Variants in NPFFR1 observed in about 807,000 individuals in gnomAD.
The protein encoded by NPFFR1 is neuropeptide FF receptor 1.
In NPFFR1, 17 loss-of-function variants were observed where a neutral mutation model predicts 12.7. That is an observed-to-expected ratio of 1.34 (90% confidence interval 0.92 to 2.01). The LOEUF is 2.01. Ranked by LOEUF, NPFFR1 falls within the 30% of genes most tolerant of loss-of-function variation. NPFFR1 has a pLI of 0.00. For synonymous variants in NPFFR1, 296 were observed against 264.5 expected, an observed-to-expected ratio of 1.12 and a Z score of -1.16; for missense variants, 604 against 606.5, an observed-to-expected ratio of 1.00 and a Z score of 0.04.
intron 1 of NPFFR1, among the ~76,000 whole-genome samples, chr10:70,279,098 G>A (rs1206929486): frequency 1.3e-5 from 2 of 152,128 alleles, no homozygotes; most frequent in Non-Finnish European, 2.9e-5. Flanking sequence ...AACATTTTTT[G>A]TGGTGAAAAC....
chr10:70,255,856 C>A lies in NPFFR1; in HGVS notation c.423-29G>T. ...CCGCGGGGAGAGAGACAGGCGGGAT[C>A]TGGGTGGGTCCTAGGGCCCCTGCGA... On this transcript the variant is annotated intron_variant, in intron 3 of 3. Transcript: ENST00000277942. The surrounding 1 kb of genome is among the most constrained non-coding windows in gnomAD (Gnocchi z 4.2). 1 of 1,582,200 alleles carries A rather than the reference C, an allele frequency of 6.3e-7. No individual in the cohort carries two copies. The highest frequency in any genetic ancestry group is 8.6e-7 in the Non-Finnish European group (1 of 1,164,292).
intron 1 of NPFFR1, among the ~76,000 whole-genome samples, chr10:70,273,444 A>G (rs971031778): frequency 3.3e-5 from 5 of 152,164 alleles, no homozygotes; most frequent in African/African-American, 1.2e-4. Flanking sequence ...ATGCCAATCA[A>G]TGGTTCCTGT....
At chr10:70,261,777 G>GTTTGTTTTGTTTTGTTTTGT (rs141990333) in intron 2 of NPFFR1, among the ~76,000 whole-genome samples, 1 of 152,046 alleles carries the variant, frequency 6.6e-6, no homozygotes, top group African/African-American at 2.4e-5. Flanking sequence ...CAGTTGTTTT[G>GTTTGTTTTGTTTTGTTTTGT]TTTGTTTTGT....
chr10:70,254,771 C>T lies in NPFFR1; in HGVS notation c.*186G>A. ...GGGCAAGTTGGTTCCTTCCCGTCCC[C>T]CGCATTTGCCTCTACTGAGGGTGAA... On this transcript the variant is annotated 3_prime_UTR_variant, in exon 4 of 4. Transcript: ENST00000277942. The T allele has an allele frequency of 1.6e-6, 1 of 612,336 alleles. No individual in the cohort carries two copies. The highest frequency in any genetic ancestry group is 2.4e-6 in the Non-Finnish European group (1 of 412,326). The allele number at this position is 612,336 out of a possible 1,614,324, so 37.9% of individuals were successfully genotyped here.
intron 1 of NPFFR1, among the ~76,000 whole-genome samples, chr10:70,276,559 C>G (rs144370851): frequency 1.3e-5 from 2 of 149,966 alleles, no homozygotes; most frequent in Non-Finnish European, 3.0e-5. Context: ...CATGAGAGAC[C>G]GAATTTAATT....
At chr10:70,256,634 T>C (rs1018304085) in intron 3 of NPFFR1, among the ~76,000 whole-genome samples, 4 of 152,224 alleles carry the variant, frequency 2.6e-5, no homozygotes, top group African/African-American at 9.7e-5. Flanking sequence ...TGAGGACAAC[T>C]CAGCATCTGT....
rs1042048482 is a variant in NPFFR1, at chr10:70,261,875, G to A, written c.323-1136C>T. Among the ~76,000 whole-genome samples, 4 of 152,130 alleles carry A rather than the reference G, an allele frequency of 2.6e-5. No homozygotes were observed. In the South Asian group the frequency reaches 8.3e-4, roughly 31 times the overall value. ...TGGCTCACTGCAGCCTCAACTTCCT[G>A]GCTCAAACCATTCTCCTGCCTCAGC... On this transcript the variant is annotated intron_variant, in intron 2 of 3. Transcript: ENST00000277942.
intron 1 of NPFFR1, among the ~76,000 whole-genome samples, chr10:70,269,130 TC>T (rs1463532962): frequency 6.6e-6 from 1 of 152,172 alleles, no homozygotes; most frequent in Non-Finnish European, 1.5e-5. Flanking sequence ...TGCTCTCTGT[TC>T]CCTGTATTAC....
chr10:70,256,187 T>C (rs576175602), intron 3 of NPFFR1, among the ~76,000 whole-genome samples: 34 of 151,242 alleles, frequency 2.2e-4, no homozygotes, highest in South Asian at 1.7e-3. Flanking sequence ...GATCCTCTCC[T>C]CCCACCTCAG....
rs1840509188 is a variant in NPFFR1 at position 70,251,368 on chromosome 10, T to A, written c.*3589A>T. The A allele has an allele frequency of 6.6e-6, 1 of 152,480 alleles. No homozygotes were observed. Among genetic ancestry groups the A allele is most frequent in the South Asian group, 2.1e-4 (1 of 4,844 alleles). 9.4% of individuals were successfully genotyped at this position (152,480 alleles called of 1,614,324 possible). A position where few individuals can be genotyped will look rare whatever the true frequency, so the allele number is the denominator to read the frequency against. On this transcript the variant is annotated 3_prime_UTR_variant, in exon 4 of 4. Transcript: ENST00000277942. ...CCAATGCAGATCAGCTCATGAGTCCTCCAGGCCCCAAGAGAGACTCCTCAG... is the reference window on the plus strand; with the variant it reads ...CCAATGCAGATCAGCTCATGAGTCCACCAGGCCCCAAGAGAGACTCCTCAG...
chr10:70,282,824 A>C (rs950865262), intron 1 of NPFFR1, among the ~76,000 whole-genome samples: 1 of 152,132 alleles, frequency 6.6e-6, no homozygotes, highest in Admixed American at 6.5e-5. Context: ...CTTGTCCACA[A>C]TGGCTGAGAG....
At position 70,250,869 on chromosome 10, in the gene NPFFR1, C is replaced by T. The variant is rs1434119965; in HGVS notation, c.*4088G>A. The T allele has an allele frequency of 6.6e-6, 1 of 152,152 alleles. No individual in the cohort carries two copies. The highest frequency in any genetic ancestry group is 1.5e-5 in the Non-Finnish European group (1 of 68,032). The allele number at this position is 152,152 out of a possible 1,614,324, so 9.4% of individuals were successfully genotyped here. ...ATTTTTTCATATTCAAGTTCTGCCT[C>T]AATAAAGCTGTTCCAAGAATGTTAA... On this transcript the variant is annotated 3_prime_UTR_variant, in exon 4 of 4. Transcript: ENST00000277942.
rs1259497161 is a variant in NPFFR1 at position 70,255,317 on chromosome 10, G to C, written c.933C>G (p.Phe311Leu). The C allele has an allele frequency of 1.3e-6, 2 of 1,581,914 alleles. No homozygotes were observed. Among genetic ancestry groups the C allele is most frequent in the Non-Finnish European group, 1.7e-6 (2 of 1,168,004 alleles). ...AGAAGGCCAGCCAGTGCGCGAAGGG[G>C]AAGGCGTAGACGGTGACCAGGTGCA... ...PQLHLVTVYAFPFAHWLAFFN... is the reference protein window; with the variant it reads ...PQLHLVTVYALPFAHWLAFFN... Residue 311 changes from phenylalanine (F) to leucine (L), a missense_variant, in exon 4 of 4, where the codon TTC (phenylalanine) becomes TTG (leucine). Coordinates refer to ENST00000277942, the MANE Select transcript of NPFFR1 (RefSeq NM_022146.5). The surrounding 1 kb of genome is among the most constrained non-coding windows in gnomAD (Gnocchi z 4.2).
chr10:70,271,135 C>T (rs960369890), intron 1 of NPFFR1, among the ~76,000 whole-genome samples: 1 of 152,168 alleles, frequency 6.6e-6, no homozygotes. Context: ...AAAGACACCT[C>T]GAGTGGATAC....
rs751107873 is a variant in NPFFR1, at chr10:70,260,724, T to C, written c.338A>G (p.Asn113Ser). The change falls in exon 3 of 4, where the codon AAT (asparagine) becomes AGT (serine). Residue 113 changes from asparagine (N) to serine (S), a missense_variant. Asn to Ser is a conservative substitution (Grantham distance 46). Transcript: ENST00000277942. The part of the protein sequence containing the change: ...DNLITGWPFD[N>S]ATCKMSGLVQ... ...CAAGCCGCTCATCTTGCATGTGGCA[T>C]TGTCGAAGGGCCACCCTGCAATGAC... is the stretch of plus-strand genomic sequence containing the variant. 1 of 1,602,780 alleles carries C rather than the reference T, an allele frequency of 6.2e-7. No homozygotes were observed. Among genetic ancestry groups the C allele is most frequent in the South Asian group, 1.1e-5 (1 of 88,856 alleles).
rs755162147 is a variant in NPFFR1 at position 70,255,224 on chromosome 10, G to A, written c.1026C>T (p.Ala342=). The change falls in exon 4 of 4, where the codon GCC becomes GCT. Residue 342 remains alanine (A), a synonymous_variant. Coordinates refer to ENST00000277942, the MANE Select transcript of NPFFR1 (RefSeq NM_022146.5). The surrounding 1 kb of genome is among the most constrained non-coding windows in gnomAD (Gnocchi z 4.2). The stretch of plus-strand genomic sequence containing the variant: ...GCGGGCAGAGGCGGGCGCGGAAGGC[G>A]GCCTGGAAGCCGCGGCGGAAGTTCT... ...FNENFRRGFQ[A]AFRARLCPRP... is the part of the protein sequence containing the mutation. The A allele has an allele frequency of 6.4e-7, 1 of 1,551,956 alleles. No individual in the cohort carries two copies. Among genetic ancestry groups the A allele is most frequent in the Non-Finnish European group, 8.7e-7 (1 of 1,153,124 alleles).
At chr10:70,256,361 T>TA (rs1242227995) in intron 3 of NPFFR1, among the ~76,000 whole-genome samples, 1 of 152,220 alleles carries the variant, frequency 6.6e-6, no homozygotes. Context: ...GGATTATAGA[T>TA]ATGAGCCTCC....
intron 1 of NPFFR1, 69 bp from the exon 2 acceptor site, chr10:70,266,460 T>C (rs1840692590): frequency 7.9e-7 from 1 of 1,271,402 alleles, no homozygotes; most frequent in South Asian, 1.5e-5. Context: ...TCACCACTAA[T>C]GAGACCCTCT....
At chr10:70,275,171 C>A (rs905493109) in intron 1 of NPFFR1, among the ~76,000 whole-genome samples, 2 of 152,204 alleles carry the variant, frequency 1.3e-5, no homozygotes, top group African/African-American at 4.8e-5. Flanking sequence ...AGCCCCCAAG[C>A]GAGCCCCTCT....
Sources: gnomAD v4.1 joint callset for allele counts (sites outside exome capture counted in the v4.1 genomes callset) on GRCh38, gnomAD v4.1.1 for gene constraint, Gnocchi (gnomAD v3.1) non-coding constraint, MANE v1.5 for transcripts, NCBI Gene and HGNC (gene_info 2026-07-23, HGNC 2026-07-21) for gene names.